The following SYNE2 variants were observed in gnomAD, a reference collection of about 807,000 sequenced individuals.
SYNE2 encodes spectrin repeat containing nuclear envelope protein 2.
In SYNE2, 431 loss-of-function variants were observed where a neutral mutation model predicts 856.3. The ratio of observed to expected loss-of-function variants is 0.50; its 90% CI spans 0.47 to 0.55. SYNE2 has a LOEUF of 0.55. SYNE2 is among the 20% of genes least tolerant of loss of function. The probability of loss-of-function intolerance (pLI) is 0.00; values close to 1 mark genes in which losing one functional copy is unlikely to be tolerated. For synonymous variants in SYNE2, 2,923 were observed against 2,872.3 expected (o/e 1.02, Z -0.56); for missense variants, 8,129 against 8,023.2 (o/e 1.01, Z -0.50).
At position 63,980,978 on chromosome 14, in the gene SYNE2, T is replaced by C. The variant is rs1441622307; in HGVS notation, c.1649-8T>C. ...TAAGATTACTTTTTTGTTTTGTTAA[T>C]ATTGTAGCTGGAGAATGTCAGAATA... is the stretch of plus-strand genomic sequence containing the variant. On this transcript the variant is annotated splice_polypyrimidine_tract_variant and splice_region_variant and intron_variant, in intron 15 of 115. Transcript: ENST00000555002. The C allele has an allele frequency of 6.5e-7, 1 of 1,533,716 alleles. No individual in the cohort carries two copies. The highest frequency in any genetic ancestry group is 9.0e-7 in the Non-Finnish European group (1 of 1,116,354).
chr14:63,953,445 A>G (rs2096194800), intron 7 of SYNE2, among the ~76,000 whole-genome samples: 1 of 152,236 alleles, frequency 6.6e-6, no homozygotes, highest in East Asian at 1.9e-4. Flanking sequence ...GCAGGGGCCA[A>G]ATCACTTAGG....
intron 1 of SYNE2, among the ~76,000 whole-genome samples, chr14:63,877,663 G>C (rs1305137990): frequency 6.6e-6 from 1 of 152,204 alleles, no homozygotes; most frequent in Non-Finnish European, 1.5e-5. Context: ...TTGAAAGTCA[G>C]CAAGTGGAGC....
chr14:63,926,962 G>A (rs2095674451), intron 2 of SYNE2, among the ~76,000 whole-genome samples: 1 of 152,182 alleles, frequency 6.6e-6, no homozygotes. Flanking sequence ...AATAGGGGTG[G>A]GGTGCTACAA....
At chr14:64,159,920 T>A (rs1595902007) in intron 87 of SYNE2, among the ~76,000 whole-genome samples, 1 of 152,180 alleles carries the variant, frequency 6.6e-6, no homozygotes, top group South Asian at 2.1e-4. Context: ...ATATGAAAGC[T>A]CCCTTTAAGG....
intron 85 of SYNE2, 143 bp from the exon 86 acceptor site, chr14:64,158,482 A>G: frequency 1.2e-6 from 1 of 858,118 alleles, no homozygotes; most frequent in South Asian, 1.5e-5. Context: ...GCATTGACCT[A>G]CCCTTTCCAC....
Position 64,052,303 on chromosome 14 carries a change from C to A in SYNE2, c.8390C>A (p.Thr2797Lys). The A allele has an allele frequency of 6.2e-7, 1 of 1,614,182 alleles. No homozygotes were observed. Among genetic ancestry groups the A allele is most frequent in the African/African-American group, 1.3e-5 (1 of 75,064 alleles). Residue 2797 changes from threonine (T) to lysine (K), a missense_variant, in exon 48 of 116, where the codon ACA becomes AAA. This residue lies in a region of SYNE2 where 5,410 missense variants were observed against 5,284.8 expected (regional missense o/e 1.02). Coordinates refer to ENST00000555002, the MANE Select transcript of SYNE2 (RefSeq NM_182914.3). Reference sequence around the variant, plus strand: ...GTCAAAGATAAGGTTCCTAGCCTTACAACCTATGAGGGCAGTGATTTAAAT... The same window carrying A: ...GTCAAAGATAAGGTTCCTAGCCTTAAAACCTATGAGGGCAGTGATTTAAAT... ...EEVKDKVPSLTTYEGSDLNNT... is the reference protein window; with the variant it reads ...EEVKDKVPSLKTYEGSDLNNT...
chr14:64,138,946 G>GGTGTGTGTGTGT (rs150016027), intron 79 of SYNE2, among the ~76,000 whole-genome samples: 106 of 137,784 alleles, frequency 7.7e-4, no homozygotes, highest in Admixed American at 2.4e-3. Flanking sequence ...GTGTATGTAT[G>GGTGTGTGTGTGT]GTGTGTGTGT....
intron 1 of SYNE2, among the ~76,000 whole-genome samples, chr14:63,906,126 A>G (rs562674435): frequency 5.9e-5 from 9 of 152,160 alleles, no homozygotes; most frequent in Non-Finnish European, 1.3e-4. Context: ...CATATGTTAG[A>G]ACCAACCTTG....
chr14:64,016,363 A>G (rs1026078103), intron 32 of SYNE2, 110 bp from the exon 33 acceptor site: 1 of 716,532 alleles, frequency 1.4e-6, no homozygotes, highest in Non-Finnish European at 2.3e-6. Context: ...AGAAGGTATT[A>G]TGCTTTGTTG....
intron 1 of SYNE2, among the ~76,000 whole-genome samples, chr14:63,766,095 T>C (rs1293351309): frequency 6.6e-6 from 1 of 151,916 alleles, no homozygotes; most frequent in Non-Finnish European, 1.5e-5. Flanking sequence ...TTTTTTTTTT[T>C]TTTAAGAGAG....
intron 71 of SYNE2, 103 bp downstream of exon 71, chr14:64,125,313 G>A (rs771422586): frequency 9.8e-5 from 148 of 1,511,704 alleles, no homozygotes; most frequent in Non-Finnish European, 1.3e-4. Flanking sequence ...ACAAGTCATG[G>A]AACACATAAT....
At chr14:63,842,720 A>G (rs1566602138) in intron 1 of SYNE2, among the ~76,000 whole-genome samples, 1 of 152,190 alleles carries the variant, frequency 6.6e-6, no homozygotes, top group Non-Finnish European at 1.5e-5. Context: ...TCGGCCTCCC[A>G]AAGTGCTGGG....
chr14:63,924,012 G>C (rs1017186211), intron 2 of SYNE2, among the ~76,000 whole-genome samples: 1 of 151,808 alleles, frequency 6.6e-6, no homozygotes, highest in African/African-American at 2.4e-5. Context: ...TCACCATGTT[G>C]TCCAGGCTGG....
intron 8 of SYNE2, among the ~76,000 whole-genome samples, chr14:63,957,815 T>C (rs939381713): frequency 6.6e-6 from 1 of 152,240 alleles, no homozygotes; most frequent in South Asian, 2.1e-4. Context: ...TTACTCTTTT[T>C]TTCCCCCTTC....
chr14:63,966,484 C>G (rs561447915), intron 10 of SYNE2, among the ~76,000 whole-genome samples: 1 of 151,962 alleles, frequency 6.6e-6, no homozygotes, highest in African/African-American at 2.4e-5. Flanking sequence ...GATCATGCCA[C>G]TGAACTTCAG....
intron 82 of SYNE2, among the ~76,000 whole-genome samples, chr14:64,143,161 G>A (rs1004640981): frequency 1.3e-5 from 2 of 152,166 alleles, no homozygotes; most frequent in African/African-American, 2.4e-5. Flanking sequence ...TGTCACCCCC[G>A]GGTGTCTCCA....
chr14:64,080,072 CGTGT>C (rs998860528), intron 55 of SYNE2, among the ~76,000 whole-genome samples: 143 of 151,566 alleles, frequency 9.4e-4, no homozygotes, highest in African/African-American at 3.3e-3. Context: ...TGTGCGCGTG[CGTGT>C]GTGTGTATGA....
chr14:64,049,475 C>T (rs893553968), intron 46 of SYNE2, 136 bp from the exon 47 acceptor site: 10 of 565,026 alleles, frequency 1.8e-5, no homozygotes, highest in Admixed American at 3.5e-5. Flanking sequence ...AAGGTTACAA[C>T]TTTAGTTACC....
intron 90 of SYNE2, among the ~76,000 whole-genome samples, chr14:64,166,527 C>A (rs1353998310): frequency 6.6e-6 from 1 of 152,146 alleles, no homozygotes; most frequent in Non-Finnish European, 1.5e-5. Flanking sequence ...GTGTTTAAGT[C>A]CCTTGCTCTG....
Sources: gnomAD v4.1 joint callset for allele counts (sites outside exome capture counted in the v4.1 genomes callset) on GRCh38, gnomAD v4.1.1 for gene constraint, gnomAD v4.1.1 regional missense constraint, MANE v1.5 for transcripts, NCBI Gene and HGNC (gene_info 2026-07-23, HGNC 2026-07-21) for gene names.